Variants in SEZ6L observed in about 807,000 individuals in gnomAD.
The protein encoded by SEZ6L is seizure related 6 homolog like, also known as seizure 6-like protein.
A neutral mutation model predicts 106.2 loss-of-function variants in SEZ6L; 37 were observed. That is an observed-to-expected ratio of 0.35 (90% CI 0.27 to 0.46). SEZ6L has a LOEUF of 0.46. SEZ6L is among the 20% of genes least tolerant of loss of function. The probability of loss-of-function intolerance (pLI) is 1.00; values close to 1 mark genes in which losing one functional copy is unlikely to be tolerated. For missense variants in SEZ6L, 1,172 were observed against 1,332.8 expected (o/e 0.88, Z 1.88); for synonymous variants, 541 against 570.4 (o/e 0.95, Z 0.73).
chr22:26,319,177 C>A (rs1377758919), intron 9 of SEZ6L, among the ~76,000 whole-genome samples: 1 of 152,204 alleles, frequency 6.6e-6, no homozygotes, highest in Non-Finnish European at 1.5e-5. Flanking sequence ...AATTCCATTG[C>A]TTCTACTCAA....
chr22:26,239,885 A>G (rs796842385), intron 1 of SEZ6L, among the ~76,000 whole-genome samples: 6 of 151,150 alleles, frequency 4.0e-5, no homozygotes, highest in African/African-American at 1.5e-4. Context: ...CCCAACCCCA[A>G]TCCCCTCTGC....
Position 26,382,005 on chromosome 22 carries a change from C to A in SEZ6L, c.*1710C>A, listed in dbSNP as rs755547227. The stretch of plus-strand genomic sequence containing the variant: ...CAAGATAGGGAAAGTTGATTTTAGG[C>A]ACACATGTACCCTCCTTGACAGCAG... On this transcript the variant is annotated 3_prime_UTR_variant, in exon 17 of 17. Coordinates refer to ENST00000248933, the MANE Select transcript of SEZ6L (RefSeq NM_021115.5). 3 of 517,948 alleles carry A rather than the reference C, an allele frequency of 5.8e-6. No homozygotes were observed. The highest frequency in any genetic ancestry group is 1.2e-5 in the Non-Finnish European group (3 of 259,440). 32.1% of individuals were successfully genotyped at this position (517,948 alleles called of 1,614,324 possible). A position where few individuals can be genotyped will look rare whatever the true frequency, so the allele number is the denominator to read the frequency against.
intron 1 of SEZ6L, among the ~76,000 whole-genome samples, chr22:26,268,610 G>A (rs951942652): frequency 1.3e-5 from 2 of 152,206 alleles, no homozygotes; most frequent in East Asian, 3.8e-4. Context: ...GGAGCAGAGG[G>A]CACATAGGCC....
At chr22:26,302,123 A>G (rs916051467) in intron 5 of SEZ6L, among the ~76,000 whole-genome samples, 1 of 152,216 alleles carries the variant, frequency 6.6e-6, no homozygotes, top group African/African-American at 2.4e-5. Flanking sequence ...AGAGAGATGA[A>G]GTAACATACT....
Position 26,380,588 on chromosome 22 carries a change from C to G in SEZ6L, c.*293C>G. 2.9e-6 allele frequency: 1 copy of G among 350,872 alleles called. No individual in the cohort carries two copies. The highest frequency in any genetic ancestry group is 4.1e-5 in the Admixed American group (1 of 24,686). The allele number at this position is 350,872 out of a possible 1,614,324, so 21.7% of individuals were successfully genotyped here. A position where few individuals can be genotyped will look rare whatever the true frequency, so the allele number is the denominator to read the frequency against. Reference sequence around the variant, plus strand: ...CCGCGGCAGCAAAAACACAAAACAGCAGATGGAGTTTCTCCCATCAGCAAT... The same window carrying G: ...CCGCGGCAGCAAAAACACAAAACAGGAGATGGAGTTTCTCCCATCAGCAAT... On this transcript the variant is annotated 3_prime_UTR_variant, in exon 17 of 17. Transcript: ENST00000248933.
intron 1 of SEZ6L, among the ~76,000 whole-genome samples, chr22:26,174,851 G>A (rs76557878): frequency 0.015 from 2,216 of 152,344 alleles, 52 homozygotes; most frequent in African/African-American, 0.051. Context: ...AGCATTTATT[G>A]AGTGTTGATT....
intron 1 of SEZ6L, among the ~76,000 whole-genome samples, chr22:26,279,957 A>G (rs909768159): frequency 1.3e-5 from 2 of 152,322 alleles, no homozygotes; most frequent in Non-Finnish European, 2.9e-5. Flanking sequence ...TTCGTTTTTA[A>G]TTATTGCTAT....
rs1556124260 is a variant in SEZ6L, at chr22:26,219,254, G to GTGTT, written c.94+49492_94+49493insGTTT. On this transcript the variant is annotated intron_variant, in intron 1 of 16. Transcript: ENST00000248933. ...CATAGAAGATGTTCGAGAAATACAA[G>GTGTT]TTTTTTTTTTTTTTTTCGCTCCTGG... Among the ~76,000 whole-genome samples, 428 of 135,096 alleles carry GTGTT rather than the reference G, an allele frequency of 3.2e-3. 28 individuals are homozygous for GTGTT. The highest frequency in any genetic ancestry group is 7.7e-3 in the East Asian group (36 of 4,646). 88.6% of individuals were successfully genotyped at this position (135,096 alleles called of 152,430 possible). A position where few individuals can be genotyped will look rare whatever the true frequency, so the allele number is the denominator to read the frequency against.
intron 1 of SEZ6L, among the ~76,000 whole-genome samples, chr22:26,178,156 A>G (rs895683093): frequency 2.6e-5 from 4 of 152,214 alleles, no homozygotes; most frequent in Non-Finnish European, 5.9e-5. Context: ...TGGCCATGGA[A>G]GACTGACTGC....
chr22:26,232,357 C>T (rs2078826803), intron 1 of SEZ6L, among the ~76,000 whole-genome samples: 1 of 135,602 alleles, frequency 7.4e-6, no homozygotes, highest in African/African-American at 2.8e-5. Context: ...CACACACACA[C>T]ACACACACAC....
At chr22:26,359,856 G>A (rs2083556357) in intron 12 of SEZ6L, among the ~76,000 whole-genome samples, 1 of 152,110 alleles carries the variant, frequency 6.6e-6, no homozygotes, top group Non-Finnish European at 1.5e-5. Flanking sequence ...GTGTCTTAGG[G>A]TTGTTGTGAT....
intron 12 of SEZ6L, among the ~76,000 whole-genome samples, chr22:26,363,183 T>C (rs1405775902): frequency 6.6e-6 from 1 of 152,202 alleles, no homozygotes; most frequent in African/African-American, 2.4e-5. Context: ...AATCCAGAAA[T>C]CTAAATTATT....
chr22:26,287,318 T>C (rs532768604), intron 1 of SEZ6L, among the ~76,000 whole-genome samples: 358 of 152,276 alleles, frequency 2.4e-3, no homozygotes, highest in Middle Eastern at 6.8e-3. Flanking sequence ...CCTAACTCCT[T>C]GAGGGCAGGG....
intron 1 of SEZ6L, among the ~76,000 whole-genome samples, chr22:26,270,763 C>A (rs976064535): frequency 6.6e-6 from 1 of 152,154 alleles, no homozygotes; most frequent in Non-Finnish European, 1.5e-5. Context: ...CTAAGGCTGG[C>A]TGTCAAGGAA....
chr22:26,370,804 G>C (rs996310311), intron 13 of SEZ6L, among the ~76,000 whole-genome samples: 10 of 152,028 alleles, frequency 6.6e-5, no homozygotes, highest in African/African-American at 1.9e-4. Context: ...AGGAGTTCGA[G>C]ACCAGCCTAG....
chr22:26,218,798 G>A (rs1296400215), intron 1 of SEZ6L, among the ~76,000 whole-genome samples: 1 of 152,166 alleles, frequency 6.6e-6, no homozygotes, highest in Admixed American at 6.5e-5. Context: ...TTAGCCAGGT[G>A]TAGTGGTGCA....
chr22:26,226,622 G>A (rs2078641943), intron 1 of SEZ6L, among the ~76,000 whole-genome samples: 1 of 152,144 alleles, frequency 6.6e-6, no homozygotes, highest in Non-Finnish European at 1.5e-5. Context: ...CTCCTGGTGA[G>A]CTCTGTGGCA....
intron 1 of SEZ6L, among the ~76,000 whole-genome samples, chr22:26,179,844 A>G (rs2123774020): frequency 6.6e-6 from 1 of 152,278 alleles, no homozygotes; most frequent in East Asian, 1.9e-4. Flanking sequence ...ATTCGCTATT[A>G]TGGCTTCTCC....
intron 1 of SEZ6L, among the ~76,000 whole-genome samples, chr22:26,268,084 A>T (rs1332389176): frequency 1.3e-5 from 2 of 152,212 alleles, no homozygotes; most frequent in Non-Finnish European, 2.9e-5. Context: ...GACTGTGGCA[A>T]ATAGCCCAGG....
Sources: gnomAD v4.1 joint callset for allele counts (sites outside exome capture counted in the v4.1 genomes callset) on GRCh38, gnomAD v4.1.1 for gene constraint, MANE v1.5 for transcripts, NCBI Gene and HGNC (gene_info 2026-07-23, HGNC 2026-07-21) for gene names.